PPP1R14C: variants seen among roughly 807,000 people sequenced by gnomAD.
The protein encoded by PPP1R14C is protein phosphatase 1 regulatory subunit 14C.
Under a neutral mutation model 20.4 loss-of-function variants are expected in PPP1R14C, and 16 were observed. That is an observed-to-expected ratio of 0.78 (90% CI 0.53 to 1.19). The LOEUF (loss-of-function observed/expected upper bound fraction) is 1.19, where lower values mean the gene tolerates loss of function less well. Among genes scored for constraint, PPP1R14C ranks in the 50% most tolerant of loss-of-function variants. The pLI is 0.00. For synonymous variants in PPP1R14C, 91 were observed against 91.0 expected (o/e 1.00, Z 0.00); for missense variants, 211 against 220.1 (o/e 0.96, Z 0.26).
intron 1 of PPP1R14C, among the ~76,000 whole-genome samples, chr6:150,173,483 C>G (rs1197309097): frequency 6.6e-6 from 1 of 152,174 alleles, no homozygotes; most frequent in Non-Finnish European, 1.5e-5. Flanking sequence ...GTAAAAATGA[C>G]TCTTCTCAGG....
chr6:150,143,692 G>C lies in PPP1R14C; in HGVS notation c.306+194G>C, dbSNP rs1777150161. The stretch of plus-strand genomic sequence containing the variant: ...CGGGCTCAGCGGTTGGGACGCCCCT[G>C]TCTGGGTTCGGCTGCCGGTGCCCGG... On this transcript the variant is annotated intron_variant, in intron 1 of 3. Transcript: ENST00000361131. This position sits in a 1 kb window ranked among gnomAD's most constrained non-coding sequence, Gnocchi z 5.6. Among the ~76,000 whole-genome samples, 1 of 152,216 alleles carries C rather than the reference G, an allele frequency of 6.6e-6. No individual in the cohort carries two copies.
At chr6:150,148,738 A>G (rs937968829) in intron 1 of PPP1R14C, among the ~76,000 whole-genome samples, 3 of 152,238 alleles carry the variant, frequency 2.0e-5, no homozygotes, top group Non-Finnish European at 4.4e-5. Flanking sequence ...CCTGAACTCC[A>G]TAAACTCAAC....
intron 1 of PPP1R14C, among the ~76,000 whole-genome samples, chr6:150,147,421 G>A (rs1281907396): frequency 2.6e-5 from 4 of 151,880 alleles, no homozygotes; most frequent in Non-Finnish European, 4.4e-5. Context: ...CTCATGATCC[G>A]ACTGCCTCAG....
chr6:150,213,778 A>T (rs974256496), intron 1 of PPP1R14C, among the ~76,000 whole-genome samples: 1 of 152,196 alleles, frequency 6.6e-6, no homozygotes, highest in African/African-American at 2.4e-5. Flanking sequence ...TCTTTCACCA[A>T]ATCCATCTGG....
chr6:150,238,663 T>C (rs115004846), intron 3 of PPP1R14C, among the ~76,000 whole-genome samples: 4,309 of 152,346 alleles, frequency 0.028, 190 homozygotes, highest in African/African-American at 0.098. Flanking sequence ...GCCTGGGAGC[T>C]CCTGGAAGGC....
At chr6:150,162,400 T>G (rs1238071916) in intron 1 of PPP1R14C, among the ~76,000 whole-genome samples, 1 of 152,216 alleles carries the variant, frequency 6.6e-6, no homozygotes. Context: ...TTCCTATTGC[T>G]ATCGTTTTGC....
intron 1 of PPP1R14C, among the ~76,000 whole-genome samples, chr6:150,151,235 T>C (rs1777243817): frequency 6.6e-6 from 1 of 152,210 alleles, no homozygotes; most frequent in African/African-American, 2.4e-5. Context: ...AGAAACCTCA[T>C]ATTCAACTGG....
At chr6:150,194,618 T>G in intron 1 of PPP1R14C, 1 of 983,538 alleles carries the variant, frequency 1.0e-6, no homozygotes, top group South Asian at 4.7e-5. Context: ...TTACATTTTA[T>G]TAAACCACCT....
At chr6:150,144,997 G>A (rs1233355593) in intron 1 of PPP1R14C, among the ~76,000 whole-genome samples, 1 of 149,138 alleles carries the variant, frequency 6.7e-6, no homozygotes, top group Non-Finnish European at 1.5e-5. Context: ...ATTTCATACT[G>A]TTTTTTTTTT....
intron 3 of PPP1R14C, among the ~76,000 whole-genome samples, chr6:150,242,993 G>A (rs181770922): frequency 9.9e-5 from 15 of 152,180 alleles, no homozygotes; most frequent in Middle Eastern, 3.4e-3. Context: ...TTTGTACACT[G>A]GAAATTATAA....
intron 1 of PPP1R14C, among the ~76,000 whole-genome samples, chr6:150,181,910 G>T (rs1293267900): frequency 1.3e-5 from 2 of 152,152 alleles, no homozygotes. Flanking sequence ...TGCAGTAAAT[G>T]ATTTGCAGTA....
chr6:150,240,183 C>T (rs1381330122), intron 3 of PPP1R14C, among the ~76,000 whole-genome samples: 3 of 152,134 alleles, frequency 2.0e-5, no homozygotes, highest in African/African-American at 7.2e-5. Context: ...AGAGAAGACA[C>T]ATTACTAACA....
At position 150,203,534 on chromosome 6, in the gene PPP1R14C, C is replaced by T. The variant is rs77502257; in HGVS notation, c.307-11210C>T. On this transcript the variant is annotated intron_variant, in intron 1 of 3. Transcript: ENST00000361131. ...CTTCTCAGGCTTCTGTGCACCTGCC[C>T]GTACTGGACATATTTGGCCATTGCT... 8.2e-3 allele frequency among the ~76,000 whole-genome samples: 1,248 copies of T among 152,268 alleles called. 21 individuals carry two copies. The highest frequency in any genetic ancestry group is 0.029 in the African/African-American group (1,190 of 41,530).
At chr6:150,186,562 C>T (rs954822890) in intron 1 of PPP1R14C, among the ~76,000 whole-genome samples, 3 of 152,162 alleles carry the variant, frequency 2.0e-5, no homozygotes, top group Non-Finnish European at 4.4e-5. Context: ...TGGGGAGCAG[C>T]GCCTCTGCAC....
intron 1 of PPP1R14C, among the ~76,000 whole-genome samples, chr6:150,214,410 T>C (rs184138257): frequency 9.2e-5 from 14 of 152,312 alleles, no homozygotes; most frequent in Non-Finnish European, 1.9e-4. Flanking sequence ...TTTATGGCTT[T>C]GTGACTCTTA....
chr6:150,237,567 A>G (rs1035456511), intron 3 of PPP1R14C, among the ~76,000 whole-genome samples: 1 of 152,156 alleles, frequency 6.6e-6, no homozygotes, highest in Non-Finnish European at 1.5e-5. Flanking sequence ...GATGATGATG[A>G]TGATAACGAT....
At chr6:150,172,480 C>T (rs754028) in intron 1 of PPP1R14C, among the ~76,000 whole-genome samples, 5 of 152,038 alleles carry the variant, frequency 3.3e-5, no homozygotes, top group South Asian at 4.2e-4. Flanking sequence ...GGTGGGGAGG[C>T]GGGTAGAGAT....
At chr6:150,172,216 C>CG (rs1222449582) in intron 1 of PPP1R14C, among the ~76,000 whole-genome samples, 6 of 152,140 alleles carry the variant, frequency 3.9e-5, no homozygotes, top group Non-Finnish European at 5.9e-5. Flanking sequence ...CATCATTAGA[C>CG]GGGTTATAGA....
At chr6:150,168,878 AATT>A (rs1002853084) in intron 1 of PPP1R14C, among the ~76,000 whole-genome samples, 6 of 152,080 alleles carry the variant, frequency 3.9e-5, no homozygotes, top group African/African-American at 1.5e-4. Context: ...ATCGATAGAA[AATT>A]ATTATTATTA....
Sources: allele counts gnomAD v4.1 joint callset (sites outside exome capture counted in the v4.1 genomes callset), GRCh38; gene constraint gnomAD v4.1.1; non-coding constraint Gnocchi (gnomAD v3.1); transcripts MANE v1.5; gene names NCBI Gene and HGNC (gene_info 2026-07-23, HGNC 2026-07-21).